SV2C: variants seen among roughly 807,000 people sequenced by gnomAD.
SV2C encodes solute carrier family 22 member B3.
Under a neutral mutation model 79.7 loss-of-function variants are expected in SV2C, and 49 were observed. The observed-to-expected ratio is 0.61, with a 90% CI of 0.49 to 0.78. The LOEUF (loss-of-function observed/expected upper bound fraction) is 0.78, where lower values mean the gene tolerates loss of function less well. Ranked by LOEUF, SV2C falls within the 30% of genes least tolerant of loss-of-function variation. The pLI is 0.00. For synonymous variants in SV2C, 334 were observed against 333.2 expected (o/e 1.00, Z -0.03); for missense variants, 833 against 912.9 (o/e 0.91, Z 1.13).
upstream of SV2C, chr5:76,079,789 C>A: frequency 4.6e-6 from 1 of 218,102 alleles, no homozygotes. Context: ...CCCTTAATCA[C>A]AGGTGCTGCA....
chr5:76,333,022 A>T lies in SV2C; in HGVS notation c.*7475A>T, dbSNP rs1393447956. ...TGTTATCTATGGGTGTCATTCCTTC[A>T]GAAAGAATGTACAGTAAAATTGGCT... On this transcript the variant is annotated 3_prime_UTR_variant, in exon 13 of 13. Coordinates refer to ENST00000502798, the MANE Select transcript of SV2C (RefSeq NM_014979.4). 6.6e-6 allele frequency: 1 copy of T among 152,248 alleles called. No homozygotes were observed. The highest frequency in any genetic ancestry group is 1.9e-4 in the East Asian group (1 of 5,202). 9.4% of individuals were successfully genotyped at this position (152,248 alleles called of 1,614,324 possible).
chr5:75,867,079 C>T, the SV2C span, among the ~76,000 whole-genome samples: 2 of 152,102 alleles, frequency 1.3e-5, no homozygotes, highest in Non-Finnish European at 2.9e-5. Context: ...AGATATAGGC[C>T]GAGAGAGAAC....
At chr5:76,272,481 C>T (rs1432728318) in intron 4 of SV2C, among the ~76,000 whole-genome samples, 2 of 152,208 alleles carry the variant, frequency 1.3e-5, no homozygotes, top group African/African-American at 4.8e-5. Context: ...TTTTTACGGA[C>T]AGCTACTTTG....
At chr5:76,248,058 G>A (rs981196550) in intron 4 of SV2C, among the ~76,000 whole-genome samples, 1 of 152,126 alleles carries the variant, frequency 6.6e-6, no homozygotes, top group Admixed American at 6.5e-5. Flanking sequence ...CAAGTTATAT[G>A]CATGTCCTAT....
chr5:76,273,267 G>A (rs1229034554), intron 4 of SV2C, among the ~76,000 whole-genome samples: 15 of 150,660 alleles, frequency 1.0e-4, no homozygotes, highest in Admixed American at 1.0e-3. Context: ...AAATCCCAAA[G>A]GACCTTTGCT....
chr5:75,914,049 G>A, the SV2C span, among the ~76,000 whole-genome samples: 2 of 152,034 alleles, frequency 1.3e-5, no homozygotes, highest in Non-Finnish European at 2.9e-5. Context: ...GTGGGTCTAA[G>A]GTCTTTTCAT....
At chr5:76,198,846 C>G (rs576879287) in intron 3 of SV2C, among the ~76,000 whole-genome samples, 1 of 152,284 alleles carries the variant, frequency 6.6e-6, no homozygotes, top group Non-Finnish European at 1.5e-5. Flanking sequence ...AACACCTACT[C>G]TACTCACTGG....
chr5:76,246,265 G>A (rs1000873938), intron 4 of SV2C, among the ~76,000 whole-genome samples: 4 of 152,002 alleles, frequency 2.6e-5, no homozygotes, highest in African/African-American at 4.8e-5. Flanking sequence ...GTGGGTCTGC[G>A]GTTACCTTTG....
At chr5:76,141,111 T>C (rs765506597) in intron 2 of SV2C, among the ~76,000 whole-genome samples, 1 of 152,080 alleles carries the variant, frequency 6.6e-6, no homozygotes, top group Non-Finnish European at 1.5e-5. Context: ...GACATCCGAG[T>C]GGAGGTGGAC....
In SV2C at chr5:76,317,456, T is replaced by TAC. The variant is rs917288990; in HGVS notation, c.2001-7897_2001-7896dup. On this transcript the variant is annotated intron_variant, in intron 12 of 12. Coordinates refer to ENST00000502798, the MANE Select transcript of SV2C (RefSeq NM_014979.4). ...CCACCCCCCCCAACACACACACACA[T>TAC]ACACACACACACTTTTACCCTTTAA... is the stretch of plus-strand genomic sequence containing the variant. 8.0e-3 allele frequency among the ~76,000 whole-genome samples: 1,210 copies of TAC among 150,526 alleles called. 19 individuals are homozygous for TAC. Among genetic ancestry groups the TAC allele is most frequent in the African/African-American group, 0.028 (1,159 of 40,770 alleles).
At chr5:76,269,208 C>G (rs1746765763) in intron 4 of SV2C, among the ~76,000 whole-genome samples, 1 of 152,158 alleles carries the variant, frequency 6.6e-6, no homozygotes, top group Non-Finnish European at 1.5e-5. Context: ...CAGTAGTAAC[C>G]CTTCTTCCCA....
downstream of SV2C, among the ~76,000 whole-genome samples, chr5:76,338,659 C>CTTTTTT (rs60550344): frequency 3.3e-5 from 4 of 119,544 alleles, no homozygotes; most frequent in Non-Finnish European, 3.5e-5. Context: ...TTTTCTTTTT[C>CTTTTTT]TTTTTTTTTT....
At chr5:76,028,423 A>G in the SV2C span, among the ~76,000 whole-genome samples, 1 of 152,244 alleles carries the variant, frequency 6.6e-6, no homozygotes, top group Admixed American at 6.5e-5. Flanking sequence ...TTGAACAAAT[A>G]TATAGATAGA....
At chr5:76,002,028 T>C in the SV2C span, among the ~76,000 whole-genome samples, 1 of 152,044 alleles carries the variant, frequency 6.6e-6, no homozygotes, top group Admixed American at 6.6e-5. Flanking sequence ...TAGCCCCCAC[T>C]TATAAGTGAG....
At chr5:76,228,197 C>T (rs1489155070) in intron 4 of SV2C, among the ~76,000 whole-genome samples, 4 of 152,150 alleles carry the variant, frequency 2.6e-5, no homozygotes, top group Non-Finnish European at 4.4e-5. Flanking sequence ...TCATTAAGTA[C>T]TGCACCATCA....
chr5:76,321,057 T>C (rs2112560159), intron 12 of SV2C, among the ~76,000 whole-genome samples: 1 of 151,866 alleles, frequency 6.6e-6, no homozygotes, highest in South Asian at 2.1e-4. Context: ...CAGGGAGGAG[T>C]GTTTATTCCT....
intron 1 of SV2C, among the ~76,000 whole-genome samples, chr5:76,107,195 TAAC>T (rs755476418): frequency 1.3e-5 from 2 of 152,226 alleles, no homozygotes; most frequent in South Asian, 2.1e-4. Context: ...ATGAGGTGAT[TAAC>T]AACAAGTCAA....
the SV2C span, among the ~76,000 whole-genome samples, chr5:75,978,784 G>T: frequency 6.6e-6 from 1 of 152,054 alleles, no homozygotes; most frequent in East Asian, 1.9e-4. Flanking sequence ...TGACCCATTC[G>T]TATGCTGTCT....
chr5:75,899,586 T>C, the SV2C span, among the ~76,000 whole-genome samples: 1 of 152,110 alleles, frequency 6.6e-6, no homozygotes, highest in Non-Finnish European at 1.5e-5. Flanking sequence ...TTAGGTCCGC[T>C]TGGTGCAGAG....
Sources: allele counts gnomAD v4.1 joint callset (sites outside exome capture counted in the v4.1 genomes callset), GRCh38; gene constraint gnomAD v4.1.1; transcripts MANE v1.5; gene names NCBI Gene and HGNC (gene_info 2026-07-23, HGNC 2026-07-21).